Variants in HIRA observed in about 807,000 individuals in gnomAD.
HIRA encodes the protein histone cell cycle regulator, also known as protein HIRA.
In HIRA, 13 loss-of-function variants were observed where a neutral mutation model predicts 126.6. The observed-to-expected ratio is 0.10, with a 90% CI of 0.07 to 0.16. The LOEUF (loss-of-function observed/expected upper bound fraction) is 0.16. Ranked by LOEUF, HIRA falls within the 10% of genes least tolerant of loss-of-function variation. The probability of loss-of-function intolerance (pLI) is 1.00; values close to 1 mark genes in which losing one functional copy is unlikely to be tolerated. For missense variants in HIRA, 834 were observed against 1,314.4 expected (o/e 0.63, Z 5.65); for synonymous variants, 511 against 520.0 (o/e 0.98, Z 0.24).
chr22:19,420,005 T>C lies in HIRA; in HGVS notation c.38-9227A>G, dbSNP rs539834517. Among the ~76,000 whole-genome samples the C allele has an allele frequency of 3.3e-4, 50 of 152,042 alleles. 1 individual carries two copies. The highest frequency in any genetic ancestry group is 1.1e-3 in the African/African-American group (47 of 41,460). On this transcript the variant is annotated intron_variant, in intron 1 of 24. Coordinates refer to ENST00000263208, the MANE Select transcript of HIRA (RefSeq NM_003325.4). ...TCAGATGCCTAAGAGATTGAAAACA[T>C]AGCACAGGAAGGAAGCTGTTGCACC...
At chr22:19,376,980 GA>G (rs1168842446) in intron 14 of HIRA, among the ~76,000 whole-genome samples, 2 of 152,196 alleles carry the variant, frequency 1.3e-5, no homozygotes, top group Non-Finnish European at 2.9e-5. Flanking sequence ...CCACTCTGGG[GA>G]AAAGCCCAGA....
At chr22:19,339,635 CAAA>C (rs147574342) in intron 24 of HIRA, among the ~76,000 whole-genome samples, 1 of 68,596 alleles carries the variant, frequency 1.5e-5, no homozygotes, top group Admixed American at 1.7e-4. Flanking sequence ...GACTCCGTCT[CAAA>C]AAAAAAAAAA....
chr22:19,338,048 T>C (rs1309538055), intron 24 of HIRA, among the ~76,000 whole-genome samples: 1 of 152,084 alleles, frequency 6.6e-6, no homozygotes, highest in Non-Finnish European at 1.5e-5. Flanking sequence ...CACCTTGGCC[T>C]CCCTAAGTGT....
At chr22:19,357,960 A>G (rs927565565) in intron 18 of HIRA, among the ~76,000 whole-genome samples, 55 of 152,194 alleles carry the variant, frequency 3.6e-4, no homozygotes, top group African/African-American at 1.3e-3. Flanking sequence ...GAACACTCTA[A>G]GCAGCACGGG....
intron 9 of HIRA, 140 bp from the exon 10 acceptor site, chr22:19,388,694 C>T: frequency 4.4e-6 from 3 of 685,600 alleles, no homozygotes; most frequent in South Asian, 3.3e-5. Context: ...ATTCAAACTG[C>T]AGCTGCAGAG....
intron 15 of HIRA, among the ~76,000 whole-genome samples, chr22:19,368,084 G>A (rs553867250): frequency 1.5e-4 from 23 of 152,234 alleles, no homozygotes; most frequent in African/African-American, 5.3e-4. Flanking sequence ...GTGAACTCCT[G>A]TCTAGTATCC....
chr22:19,336,699 G>T (rs1391106492), intron 24 of HIRA, among the ~76,000 whole-genome samples: 1 of 152,222 alleles, frequency 6.6e-6, no homozygotes, highest in Non-Finnish European at 1.5e-5. Context: ...ATCTGAAGAT[G>T]GATCACATCA....
In HIRA at chr22:19,390,203, T is replaced by C. The variant is rs572892537; in HGVS notation, c.937-1649A>G. Reference sequence around the variant, plus strand: ...TTAGAAACCGCCACAGTTCTTACCCTTGGGTTCTCACTCGCCAACTACCAT... The same window carrying C: ...TTAGAAACCGCCACAGTTCTTACCCCTGGGTTCTCACTCGCCAACTACCAT... On this transcript the variant is annotated intron_variant, in intron 9 of 24. Coordinates refer to ENST00000263208, the MANE Select transcript of HIRA (RefSeq NM_003325.4). 9.9e-4 allele frequency among the ~76,000 whole-genome samples: 150 copies of C among 152,150 alleles called. 1 individual carries two copies. Among genetic ancestry groups the C allele is most frequent in the African/African-American group, 3.6e-3 (148 of 41,496 alleles).
intron 15 of HIRA, 123 bp downstream of exon 15, chr22:19,375,508 T>C (rs1285581848): frequency 3.0e-6 from 3 of 993,370 alleles, no homozygotes; most frequent in East Asian, 2.5e-5. Context: ...CTCCCATGTA[T>C]TGAGTGGCTA....
chr22:19,410,906 C>T, intron 1 of HIRA, 128 bp from the exon 2 acceptor site: 1 of 774,008 alleles, frequency 1.3e-6, no homozygotes, highest in Non-Finnish European at 2.2e-6. Context: ...AACTGAAAGT[C>T]CAACAGTGGG....
At chr22:19,413,384 GATTTT>G (rs980946689) in intron 1 of HIRA, among the ~76,000 whole-genome samples, 11 of 152,078 alleles carry the variant, frequency 7.2e-5, no homozygotes, top group East Asian at 1.9e-4. Context: ...AAAGCCTTGA[GATTTT>G]ATTTTATTTT....
At chr22:19,407,104 G>A in intron 4 of HIRA, 80 bp downstream of exon 4, 2 of 1,134,978 alleles carry the variant, frequency 1.8e-6, no homozygotes, top group African/African-American at 1.5e-5. Context: ...TCAGTGACAG[G>A]GTAGGGAAAG....
intron 24 of HIRA, among the ~76,000 whole-genome samples, chr22:19,350,900 T>C (rs2088749886): frequency 6.6e-6 from 1 of 152,122 alleles, no homozygotes; most frequent in Non-Finnish European, 1.5e-5. Context: ...TCATCCGCAG[T>C]GTCCTCTCAC....
intron 1 of HIRA, among the ~76,000 whole-genome samples, chr22:19,411,524 C>T (rs2089352250): frequency 6.6e-6 from 1 of 152,198 alleles, no homozygotes; most frequent in South Asian, 2.1e-4. Flanking sequence ...GGGCATTTGT[C>T]CAGCTCCCTG....
chr22:19,421,904 T>C (rs1275008738), intron 1 of HIRA, among the ~76,000 whole-genome samples: 1 of 152,114 alleles, frequency 6.6e-6, no homozygotes, highest in African/African-American at 2.4e-5. Flanking sequence ...ACTCCTAACC[T>C]CAAGTGATCT....
intron 5 of HIRA, among the ~76,000 whole-genome samples, chr22:19,403,614 G>C (rs924608233): frequency 2.6e-5 from 4 of 152,084 alleles, no homozygotes; most frequent in African/African-American, 9.7e-5. Context: ...TCTGTCTCAA[G>C]TAAATAAATA....
At chr22:19,379,308 G>A (rs1234882196) in intron 13 of HIRA, among the ~76,000 whole-genome samples, 6 of 151,070 alleles carry the variant, frequency 4.0e-5, no homozygotes, top group East Asian at 2.0e-4. Context: ...CACCGTGCCC[G>A]GCCGGCAGTT....
chr22:19,412,271 T>A (rs1427897258), intron 1 of HIRA, among the ~76,000 whole-genome samples: 22 of 152,108 alleles, frequency 1.4e-4, no homozygotes, highest in Non-Finnish European at 5.9e-5. Context: ...CAAGTGAGAA[T>A]CAAGGTCACA....
intron 10 of HIRA, 146 bp downstream of exon 10, chr22:19,388,338 T>G: frequency 3.3e-6 from 2 of 614,784 alleles, no homozygotes; most frequent in Non-Finnish European, 5.9e-6. Context: ...CCAAATCACG[T>G]GCAAACAGCA....
Sources: gnomAD v4.1 joint callset for allele counts (sites outside exome capture counted in the v4.1 genomes callset) on GRCh38, gnomAD v4.1.1 for gene constraint, MANE v1.5 for transcripts, NCBI Gene and HGNC (gene_info 2026-07-23, HGNC 2026-07-21) for gene names.